TDRD12: variants seen among roughly 807,000 people sequenced by gnomAD.
TDRD12 encodes the protein putative ATP-dependent RNA helicase TDRD12.
In TDRD12, 158 loss-of-function variants were observed where a neutral mutation model predicts 133.5. The ratio of observed to expected loss-of-function variants is 1.18; its 90% CI spans 1.04 to 1.35. The LOEUF is 1.35. Ranked by LOEUF, TDRD12 falls within the 40% of genes most tolerant of loss-of-function variation. TDRD12 has a pLI of 0.00. For missense variants in TDRD12, 1,443 were observed against 1,321.3 expected, an observed-to-expected ratio of 1.09 and a Z score of -1.43; for synonymous variants, 460 against 477.9, an observed-to-expected ratio of 0.96 and a Z score of 0.49.
chr19:32,770,209 G>C (rs995310474), intron 8 of TDRD12, among the ~76,000 whole-genome samples: 3 of 152,012 alleles, frequency 2.0e-5, no homozygotes, highest in Non-Finnish European at 4.4e-5. Context: ...GTTTCACCAT[G>C]TTGGCTGGGC....
chr19:32,759,767 T>A (rs1222798427), intron 8 of TDRD12, among the ~76,000 whole-genome samples: 1 of 152,240 alleles, frequency 6.6e-6, no homozygotes, highest in Non-Finnish European at 1.5e-5. Context: ...GAATTCCCTT[T>A]CTAGGTCAAA....
intron 2 of TDRD12, among the ~76,000 whole-genome samples, chr19:32,737,829 A>T (rs926614325): frequency 6.6e-6 from 1 of 152,216 alleles, no homozygotes; most frequent in Non-Finnish European, 1.5e-5. Context: ...CAAATGTCAG[A>T]GGCCAATAAG....
chr19:32,822,661 G>T (rs1967441357), downstream of TDRD12, among the ~76,000 whole-genome samples: 1 of 151,266 alleles, frequency 6.6e-6, no homozygotes, highest in Admixed American at 6.6e-5. Context: ...GCAGGAGAAG[G>T]GTGTGAACCC....
chr19:32,745,902 G>C (rs1209233532), intron 4 of TDRD12, among the ~76,000 whole-genome samples: 1 of 150,794 alleles, frequency 6.6e-6, no homozygotes, highest in African/African-American at 2.4e-5. Context: ...GTGTGTGACA[G>C]AGAGTGGGAG....
intron 1 of TDRD12, among the ~76,000 whole-genome samples, chr19:32,724,600 A>C (rs951694841): frequency 6.6e-6 from 1 of 152,210 alleles, no homozygotes; most frequent in African/African-American, 2.4e-5. Context: ...TATATGTACC[A>C]AATTTTCTTT....
At chr19:32,810,326 CTA>C (rs1966959009) in intron 23 of TDRD12, 49 bp downstream of exon 23, 2 of 1,419,050 alleles carry the variant, frequency 1.4e-6, no homozygotes, top group Non-Finnish European at 1.9e-6. Flanking sequence ...CATGAGGTAA[CTA>C]AGTGGTGTTG....
At chr19:32,750,434 T>C (rs1345299211) in intron 6 of TDRD12, among the ~76,000 whole-genome samples, 1 of 152,194 alleles carries the variant, frequency 6.6e-6, no homozygotes, top group Non-Finnish European at 1.5e-5. Flanking sequence ...CATGGATTTT[T>C]TAAAAATTGT....
rs137940378 is a variant in TDRD12 at position 32,750,776 on chromosome 19, G to C, written c.582+907G>C. On this transcript the variant is annotated intron_variant, in intron 6 of 27. Coordinates refer to ENST00000444215, the Ensembl canonical transcript of TDRD12. ...GACTGCTTTGGAAGAGCAGTGGTCA[G>C]TGGTTTTGTAGAATGTTCCTCAATT... is the stretch of plus-strand genomic sequence containing the variant. Among the ~76,000 whole-genome samples, 436 of 152,308 alleles carry C rather than the reference G, an allele frequency of 2.9e-3. 2 individuals are homozygous for C. The highest frequency in any genetic ancestry group is 9.8e-3 in the African/African-American group (408 of 41,568).
At chr19:32,779,204 TAAC>T (rs1970691925) in intron 11 of TDRD12, among the ~76,000 whole-genome samples, 1 of 152,166 alleles carries the variant, frequency 6.6e-6, no homozygotes, top group African/African-American at 2.4e-5. Context: ...GGGACTATGA[TAAC>T]GACTGTCACA....
At chr19:32,798,263 A>T (rs1310361250) in intron 15 of TDRD12, 45 bp from the exon 16 acceptor site, 4 of 1,512,122 alleles carry the variant, frequency 2.6e-6, no homozygotes. Flanking sequence ...ATCTTAGAAA[A>T]ACCTGTGGAA....
At chr19:32,772,982 C>T in intron 9 of TDRD12, 132 bp downstream of exon 9, 1 of 482,228 alleles carries the variant, frequency 2.1e-6, no homozygotes, top group Non-Finnish European at 3.5e-6. Flanking sequence ...TAGTTTCCTT[C>T]ATGAGAAAAT....
intron 10 of TDRD12, among the ~76,000 whole-genome samples, chr19:32,775,411 G>A (rs1457695819): frequency 6.6e-6 from 1 of 152,110 alleles, no homozygotes; most frequent in Non-Finnish European, 1.5e-5. Flanking sequence ...ACTCACTATA[G>A]CCTTAAACTC....
exon 1 of TDRD12, chr19:32,719,811 G>A (rs1364452748): frequency 5.3e-6 from 3 of 566,988 alleles, no homozygotes; most frequent in South Asian, 2.0e-5. Context: ...GAGGCCCGAG[G>A]CCAGGCAGGC....
At chr19:32,751,001 AC>A (rs1430430348) in intron 6 of TDRD12, among the ~76,000 whole-genome samples, 1 of 152,122 alleles carries the variant, frequency 6.6e-6, no homozygotes, top group East Asian at 1.9e-4. Context: ...CAGGTTTGTT[AC>A]ATAGGTAAAC....
intron 2 of TDRD12, among the ~76,000 whole-genome samples, chr19:32,736,518 A>G (rs549803177): frequency 1.4e-4 from 21 of 152,362 alleles, no homozygotes; most frequent in African/African-American, 4.6e-4. Flanking sequence ...TGTGTGAATT[A>G]TTAACTATTC....
Position 32,738,853 on chromosome 19 carries a change from CA to C in TDRD12, c.184-2del. The stretch of plus-strand genomic sequence containing the variant: ...TAAAAATAACTCTCTGTTTATTTTG[CA>C]GGTGTGTGTGGTCTATTGTGAGGAG... On this transcript the variant is annotated splice_acceptor_variant, in intron 2 of 27. Coordinates refer to ENST00000444215, the Ensembl canonical transcript of TDRD12. LOFTEE classifies it high-confidence loss of function. 1 of 1,547,920 alleles carries C rather than the reference CA, an allele frequency of 6.5e-7. No individual in the cohort carries two copies. The highest frequency in any genetic ancestry group is 8.7e-7 in the Non-Finnish European group (1 of 1,146,260).
chr19:32,802,210 TATATATGATAGTGATC>T (rs200374328), intron 19 of TDRD12, among the ~76,000 whole-genome samples: 2,427 of 144,326 alleles, frequency 0.017, 68 homozygotes, highest in African/African-American at 0.057. Context: ...ATAGTGATCA[TATATATGATAGTGATC>T]ATATATATGA....
chr19:32,803,141 A>C, exon 21 of TDRD12: 1 of 1,512,034 alleles, frequency 6.6e-7, no homozygotes, highest in Non-Finnish European at 8.8e-7. Context: ...TGGTTTTTGC[A>C]AGTGAGCCAG....
intron 1 of TDRD12, among the ~76,000 whole-genome samples, chr19:32,729,086 A>G (rs1352195217): frequency 6.8e-6 from 1 of 147,610 alleles, no homozygotes; most frequent in Non-Finnish European, 1.5e-5. Context: ...TTTGTTTTCA[A>G]CTCACTCTAA....
Sources: gnomAD v4.1 joint callset for allele counts (sites outside exome capture counted in the v4.1 genomes callset) on GRCh38, gnomAD v4.1.1 for gene constraint, MANE v1.5 for transcripts, NCBI Gene and HGNC (gene_info 2026-07-23, HGNC 2026-07-21) for gene names.